The following MYL6B variants were observed in gnomAD, a reference collection of about 807,000 sequenced individuals.
The protein encoded by MYL6B is myosin alkali light chain 1 slow a.
MYL6B carries 19 observed loss-of-function variants against 24.5 expected under a neutral mutation model. That is an observed-to-expected ratio of 0.78 (90% CI 0.54 to 1.14). The LOEUF (loss-of-function observed/expected upper bound fraction) is 1.14, where lower values mean the gene tolerates loss of function less well. MYL6B is among the 50% of genes most tolerant of loss of function. The pLI is 0.00. For missense variants in MYL6B, 230 were observed against 263.8 expected, an observed-to-expected ratio of 0.87 and a Z score of 0.89; for synonymous variants, 90 against 100.7, an observed-to-expected ratio of 0.89 and a Z score of 0.64.
At position 56,157,685 on chromosome 12, in the gene MYL6B, C is replaced by T. The variant is rs759559222; in HGVS notation, c.599-13C>T. 6.2e-7 allele frequency: 1 copy of T among 1,613,240 alleles called. No homozygotes were observed. The highest frequency in any genetic ancestry group is 8.5e-7 in the Non-Finnish European group (1 of 1,180,034). ...CCTGCTTCTGAAGCCCCTCTTGCCT[C>T]CTCTCTCTGCAGCCTTCTTGAAACA... On this transcript the variant is annotated splice_polypyrimidine_tract_variant and intron_variant, in intron 6 of 6. Transcript: ENST00000553066.
In MYL6B at chr12:56,157,457, C is replaced by T; in HGVS notation, c.521-11C>T. On this transcript the variant is annotated splice_polypyrimidine_tract_variant and intron_variant, in intron 5 of 6. Coordinates refer to ENST00000553066, the Ensembl canonical transcript of MYL6B. ...GAAAGGAGGGCCTCAGACGTTGTGT[C>T]TGGGATTCAGGAGAGAAGATGACTG... 6.2e-7 allele frequency: 1 copy of T among 1,613,362 alleles called. No homozygotes were observed. Among genetic ancestry groups the T allele is most frequent in the Non-Finnish European group, 8.5e-7 (1 of 1,179,738 alleles).
At chr12:56,157,023 G>A (rs1309853030) in intron 5 of MYL6B, 3 of 156,448 alleles carry the variant, frequency 1.9e-5, no homozygotes, top group Non-Finnish European at 4.2e-5. Flanking sequence ...ACTCCAGCCT[G>A]GGTGACAGAG....
At chr12:56,154,921 C>A in intron 3 of MYL6B, 81 bp downstream of exon 3, 1 of 1,576,856 alleles carries the variant, frequency 6.3e-7, no homozygotes. Context: ...TAACCCCAGT[C>A]CTGACCTTGA....
Position 56,154,068 on chromosome 12 carries a change from T to TAA in MYL6B, c.150_151insAA (p.Pro51AsnfsTer9), listed in dbSNP as rs1223235886. On this transcript the variant is annotated frameshift_variant, in exon 2 of 7. Coordinates refer to ENST00000553066, the Ensembl canonical transcript of MYL6B. LOFTEE classifies it high-confidence loss of function. ...AGGCCCCTCAGAAAACCCAGGAGCC[T>TAA]CCAGTCGATCTCTCCAAAGTGGTGG... The TAA allele has an allele frequency of 2.5e-6, 4 of 1,613,496 alleles. No individual in the cohort carries two copies. The African/African-American group carries it at 5.3e-5, about 22-fold the overall frequency.
intron 5 of MYL6B, among the ~76,000 whole-genome samples, chr12:56,156,477 T>A (rs1592257202): frequency 6.9e-6 from 1 of 144,998 alleles, no homozygotes; most frequent in African/African-American, 2.6e-5. Context: ...TGATGGCGGG[T>A]GCCTGTAATC....
rs575167676 is a variant in MYL6B at position 56,156,685 on chromosome 12, A to G, written c.521-783A>G. Among the ~76,000 whole-genome samples, 4 of 151,110 alleles carry G rather than the reference A, an allele frequency of 2.6e-5. No individual in the cohort carries two copies. The East Asian group carries it at 5.9e-4, about 22-fold the overall frequency. On this transcript the variant is annotated intron_variant, in intron 5 of 6. Coordinates refer to ENST00000553066, the Ensembl canonical transcript of MYL6B. ...TAGCACTTTGGGAGGCCAAGGCAGG[A>G]GGATCGCTTGAGCCCAGGAGTTCGA...
rs754004974 is a variant in MYL6B, at chr12:56,155,089, G to C, written c.237G>C (p.Val79=). 4 of 1,613,738 alleles carry C rather than the reference G, an allele frequency of 2.5e-6. No individual in the cohort carries two copies. In the African/African-American group the frequency reaches 4.0e-5, roughly 16 times the overall value. The change falls in exon 4 of 7, where the codon GTG becomes GTC. Residue 79 remains valine (V), a synonymous_variant. Coordinates refer to ENST00000553066, the Ensembl canonical transcript of MYL6B. Reference sequence around the variant, plus strand: ...AGGCCTTCGAGCTGTTTGACCGAGTGGGGGATGGCAAGATCCTGTACAGCC... The same window carrying C: ...AGGCCTTCGAGCTGTTTGACCGAGTCGGGGATGGCAAGATCCTGTACAGCC...
chr12:56,154,148 C>T, intron 2 of MYL6B, 56 bp downstream of exon 2: 2 of 1,549,946 alleles, frequency 1.3e-6, no homozygotes, highest in South Asian at 1.2e-5. Context: ...GGGTGGGATA[C>T]AGCCTAGGGG....
chr12:56,153,560 T>TA, intron 1 of MYL6B: 1 of 826,412 alleles, frequency 1.2e-6, no homozygotes, highest in Non-Finnish European at 1.5e-6. Flanking sequence ...TCACCTGCTT[T>TA]GCCTCACCAC....
At chr12:56,155,717 A>ACTGAGAAGGT in intron 5 of MYL6B, 125 bp downstream of exon 5, 1 of 1,556,022 alleles carries the variant, frequency 6.4e-7, no homozygotes, top group Non-Finnish European at 8.6e-7. Context: ...TCGGCAGGAG[A>ACTGAGAAGGT]CTGAGAAGGT....
intron 5 of MYL6B, chr12:56,155,963 G>A: frequency 5.1e-6 from 6 of 1,187,258 alleles, no homozygotes; most frequent in Non-Finnish European, 6.4e-6. Context: ...ACCAGGGGAG[G>A]ATTCCCTTGA....
chr12:56,157,853 C>A, exon 7 of MYL6B: 2 of 1,191,566 alleles, frequency 1.7e-6, no homozygotes, highest in Non-Finnish European at 2.3e-6. Context: ...CGGGCTCCAG[C>A]GCTTCGCAAC....
rs557624793 is a variant in MYL6B, at chr12:56,157,431, G to A, written c.521-37G>A. 10 of 1,599,718 alleles carry A rather than the reference G, an allele frequency of 6.3e-6. No homozygotes were observed. In the South Asian group the frequency reaches 9.9e-5, roughly 16 times the overall value. Reference sequence around the variant, plus strand: ...AGCGTGGCCTGGGTGAGTGAAGGAGGGAAAGGAGGGCCTCAGACGTTGTGT... The same window carrying A: ...AGCGTGGCCTGGGTGAGTGAAGGAGAGAAAGGAGGGCCTCAGACGTTGTGT... On this transcript the variant is annotated intron_variant, in intron 5 of 6. Transcript: ENST00000553066.
At chr12:56,154,941 T>C in intron 3 of MYL6B, 101 bp downstream of exon 3, 3 of 1,562,672 alleles carry the variant, frequency 1.9e-6, no homozygotes, top group South Asian at 1.2e-5. Flanking sequence ...AAACCTCCCA[T>C]ACTAGTCCTC....
chr12:56,155,628 G>T, intron 5 of MYL6B, 36 bp downstream of exon 5: 1 of 1,611,922 alleles, frequency 6.2e-7, no homozygotes, highest in Non-Finnish European at 8.5e-7. Flanking sequence ...CTCCTTTAGA[G>T]TGGAGAGGGG....
Position 56,157,480 on chromosome 12 carries a change from C to G in MYL6B, c.533C>G (p.Thr178Ser), listed in dbSNP as rs139194953. ...GTCTGGGATTCAGGAGAGAAGATGA[C>G]TGAGGAGGAGGTGGAGACCGTTCTG... Residue 178 changes from threonine (T) to serine (S), a missense_variant, in exon 6 of 7, where the codon ACT becomes AGT. By Grantham distance (58) the Thr-to-Ser change is moderately conservative. Transcript: ENST00000553066. The G allele has an allele frequency of 1.5e-4, 240 of 1,613,842 alleles. No individual in the cohort carries two copies. Among genetic ancestry groups the G allele is most frequent in the Non-Finnish European group, 1.9e-4 (225 of 1,179,970 alleles).
rs201901796 is a variant in MYL6B at position 56,157,753 on chromosome 12, C to T, written c.*27C>T. On this transcript the variant is annotated 3_prime_UTR_variant, in exon 7 of 7. Transcript: ENST00000553066. Reference sequence around the variant, plus strand: ...TGCTGCAGGTAGGGCCCTCCCACCCCTTCGCCGCGCCTTACGAGGCAAGTC... The same window carrying T: ...TGCTGCAGGTAGGGCCCTCCCACCCTTTCGCCGCGCCTTACGAGGCAAGTC... 1.9e-6 allele frequency: 3 copies of T among 1,608,988 alleles called. No individual in the cohort carries two copies. The highest frequency in any genetic ancestry group is 2.7e-5 in the African/African-American group (2 of 74,922).
At chr12:56,157,842 A>G (rs113767936) in exon 7 of MYL6B, 2 of 1,317,196 alleles carry the variant, frequency 1.5e-6, no homozygotes. Flanking sequence ...CGGTTGCTGC[A>G]CGGGCTCCAG....
At chr12:56,156,434 G>A (rs1473665723) in intron 5 of MYL6B, among the ~76,000 whole-genome samples, 2 of 150,290 alleles carry the variant, frequency 1.3e-5, no homozygotes, top group African/African-American at 2.5e-5. Context: ...GTGAAACCTC[G>A]TCTCTACTAA....
Sources: allele counts gnomAD v4.1 joint callset (sites outside exome capture counted in the v4.1 genomes callset), GRCh38; gene constraint gnomAD v4.1.1; transcripts MANE v1.5; gene names NCBI Gene and HGNC (gene_info 2026-07-23, HGNC 2026-07-21).